Variants in UBE2H observed in about 807,000 individuals in gnomAD.
UBE2H encodes the protein ubiquitin-conjugating enzyme E2 H.
In UBE2H, 3 loss-of-function variants were observed where a neutral mutation model predicts 29.0. That is an observed-to-expected ratio of 0.10 (90% CI 0.05 to 0.27). The LOEUF (loss-of-function observed/expected upper bound fraction) is 0.27, where lower values mean the gene tolerates loss of function less well. Among genes scored for constraint, UBE2H ranks in the 10% least tolerant of loss-of-function variants. The pLI is 1.00. For missense variants in UBE2H, 68 were observed against 228.2 expected (o/e 0.30, Z 4.52); for synonymous variants, 69 against 82.9 (o/e 0.83, Z 0.91).
At chr7:129,852,012 A>G (rs546938916) in intron 5 of UBE2H, among the ~76,000 whole-genome samples, 1 of 152,322 alleles carries the variant, frequency 6.6e-6, no homozygotes, top group Admixed American at 6.5e-5. Flanking sequence ...TCTACAAATA[A>G]TGACATCCAG....
At chr7:129,883,957 A>ATGG (rs904877184) in intron 1 of UBE2H, among the ~76,000 whole-genome samples, 3 of 152,004 alleles carry the variant, frequency 2.0e-5, no homozygotes, top group African/African-American at 7.3e-5. Context: ...TTAGCCAGGC[A>ATGG]TGGTGGTATG....
intron 1 of UBE2H, among the ~76,000 whole-genome samples, chr7:129,917,037 C>CAAAAAA (rs35874993): frequency 1.0e-5 from 1 of 96,436 alleles, no homozygotes; most frequent in African/African-American, 3.5e-5. Flanking sequence ...ATTCCGTCTC[C>CAAAAAA]AAAAAAAAAA....
At chr7:129,872,145 G>A (rs1584757050) in intron 3 of UBE2H, among the ~76,000 whole-genome samples, 2 of 152,200 alleles carry the variant, frequency 1.3e-5, no homozygotes, top group South Asian at 2.1e-4. Context: ...ATGAGTCATC[G>A]TGCCCAGTCA....
intron 3 of UBE2H, among the ~76,000 whole-genome samples, chr7:129,864,518 T>G (rs905460016): frequency 6.6e-6 from 1 of 152,088 alleles, no homozygotes; most frequent in East Asian, 1.9e-4. Flanking sequence ...TGATTTAAGA[T>G]TTTATTCACT....
intron 1 of UBE2H, among the ~76,000 whole-genome samples, chr7:129,924,938 G>C (rs981016480): frequency 1.3e-5 from 2 of 151,400 alleles, no homozygotes; most frequent in Non-Finnish European, 2.9e-5. Context: ...GAGGGTACAA[G>C]CTAAACTATG....
At chr7:129,952,096 C>T (rs918752540) in intron 1 of UBE2H, among the ~76,000 whole-genome samples, 3 of 152,098 alleles carry the variant, frequency 2.0e-5, no homozygotes, top group Non-Finnish European at 4.4e-5. Flanking sequence ...CGGAGAAAGG[C>T]TTCCCTCTCG....
chr7:129,877,978 C>T (rs1485012683), intron 3 of UBE2H, among the ~76,000 whole-genome samples: 1 of 152,116 alleles, frequency 6.6e-6, no homozygotes, highest in African/African-American at 2.4e-5. Context: ...TTTAGGTAAA[C>T]AGGTATTTAT....
intron 1 of UBE2H, among the ~76,000 whole-genome samples, chr7:129,910,386 A>G (rs747757268): frequency 6.6e-5 from 10 of 152,132 alleles, no homozygotes; most frequent in Non-Finnish European, 1.3e-4. Context: ...TCTGTAGAAG[A>G]GTTAGGAAGT....
intron 1 of UBE2H, among the ~76,000 whole-genome samples, chr7:129,906,708 T>G (rs1349538440): frequency 1.3e-5 from 2 of 152,178 alleles, no homozygotes; most frequent in African/African-American, 4.8e-5. Context: ...GAAAAAGTTC[T>G]TTCAGAATAC....
rs532340838 is a variant in UBE2H, at chr7:129,890,313, ATATG to A, written c.54-9346_54-9343del. ...CGTGTATATGTATACATACGTGTAT[ATATG>A]TATGTATATATACGTGTGTATATAT... On this transcript the variant is annotated intron_variant, in intron 1 of 6. Transcript: ENST00000355621. Among the ~76,000 whole-genome samples, 360 of 151,712 alleles carry A rather than the reference ATATG, an allele frequency of 2.4e-3. 1 individual carries two copies. The Middle Eastern group carries it at 0.035, about 15-fold the overall frequency.
At chr7:129,948,157 C>CTT (rs755539582) in intron 1 of UBE2H, among the ~76,000 whole-genome samples, 44 of 143,974 alleles carry the variant, frequency 3.1e-4, no homozygotes, top group African/African-American at 1.1e-3. Context: ...ACTGTGCCAG[C>CTT]TTTTTTTTTT....
intron 1 of UBE2H, among the ~76,000 whole-genome samples, chr7:129,889,266 A>G (rs1806425830): frequency 6.6e-6 from 1 of 152,210 alleles, no homozygotes; most frequent in Non-Finnish European, 1.5e-5. Flanking sequence ...AGTTAAAGCA[A>G]AAGAGTAGGA....
rs188478017 is a variant in UBE2H, at chr7:129,878,063, T to C, written c.205+1505A>G. Among the ~76,000 whole-genome samples the C allele has an allele frequency of 4.6e-5, 7 of 152,308 alleles. No homozygotes were observed. The East Asian group carries it at 1.4e-3, about 29-fold the overall frequency. ...CCTATCACTAACCAACATAAGAGTT[T>C]TAAATGGCTGAGTAGACAGAAACAC... On this transcript the variant is annotated intron_variant, in intron 3 of 6. Coordinates refer to ENST00000355621, the MANE Select transcript of UBE2H (RefSeq NM_003344.4).
intron 1 of UBE2H, among the ~76,000 whole-genome samples, chr7:129,918,142 C>T (rs1362378232): frequency 6.6e-6 from 1 of 152,124 alleles, no homozygotes; most frequent in African/African-American, 2.4e-5. Context: ...GGACTGGCAG[C>T]CCAGGAATGC....
In UBE2H at chr7:129,858,957, T is replaced by C. The variant is rs370755330; in HGVS notation, c.206-16A>G. 9 of 1,605,746 alleles carry C rather than the reference T, an allele frequency of 5.6e-6. No individual in the cohort carries two copies. The highest frequency in any genetic ancestry group is 7.7e-6 in the Non-Finnish European group (9 of 1,174,478). ...TTCATGAATCCTGTAAAAAGAGATG[T>C]TAATTAGCAGCAAAAAGTATCCAGA... On this transcript the variant is annotated splice_polypyrimidine_tract_variant and intron_variant, in intron 3 of 6. Transcript: ENST00000355621.
intron 1 of UBE2H, among the ~76,000 whole-genome samples, chr7:129,944,771 C>A (rs990877399): frequency 6.6e-6 from 1 of 151,158 alleles, no homozygotes; most frequent in Admixed American, 6.6e-5. Flanking sequence ...CACGCGCATG[C>A]GCAAACCCTA....
intron 5 of UBE2H, among the ~76,000 whole-genome samples, chr7:129,854,069 T>TTTTTTTTTATTTTTATTTTTA (rs1563022992): frequency 6.7e-6 from 1 of 149,516 alleles, no homozygotes; most frequent in East Asian, 2.0e-4. Flanking sequence ...AGTTTTTTTT[T>TTTTTTTTTATTTTTATTTTTA]TTTTTTTTTT....
rs566211502 is a variant in UBE2H, at chr7:129,843,295, G to A, written c.299-3960C>T. ...ATTACAGGAGTGAGCCACTGCGCCC[G>A]GCCCATTAACAGTAATATTAACAGT... On this transcript the variant is annotated intron_variant, in intron 5 of 6. Coordinates refer to ENST00000355621, the MANE Select transcript of UBE2H (RefSeq NM_003344.4). Among the ~76,000 whole-genome samples the A allele has an allele frequency of 4.6e-5, 7 of 152,072 alleles. No individual in the cohort carries two copies. The East Asian group carries it at 7.7e-4, about 17-fold the overall frequency.
intron 5 of UBE2H, among the ~76,000 whole-genome samples, chr7:129,848,300 C>G (rs767420491): frequency 8.5e-5 from 13 of 152,220 alleles, no homozygotes; most frequent in Non-Finnish European, 1.5e-4. Context: ...AATCAAAATT[C>G]TGCATCCTCC....
Sources: gnomAD v4.1 joint callset for allele counts (sites outside exome capture counted in the v4.1 genomes callset) on GRCh38, gnomAD v4.1.1 for gene constraint, MANE v1.5 for transcripts, NCBI Gene and HGNC (gene_info 2026-07-23, HGNC 2026-07-21) for gene names.